The following TMEM178A variants were observed in gnomAD, a reference collection of about 807,000 sequenced individuals.
TMEM178A encodes the protein transmembrane protein 178A, also known as transmembrane protein 178.
TMEM178A carries 12 observed loss-of-function variants against 29.1 expected under a neutral mutation model. That is an observed-to-expected ratio of 0.41 (90% CI 0.26 to 0.67). The LOEUF is 0.67. Among genes scored for constraint, TMEM178A ranks in the 30% least tolerant of loss-of-function variants. The pLI is 0.29. For missense variants in TMEM178A, 366 were observed against 419.1 expected, an observed-to-expected ratio of 0.87 and a Z score of 1.11; for synonymous variants, 210 against 187.2, an observed-to-expected ratio of 1.12 and a Z score of -0.99.
chr2:39,690,122 G>T (rs772393317), intron 1 of TMEM178A, among the ~76,000 whole-genome samples: 4 of 152,186 alleles, frequency 2.6e-5, no homozygotes, highest in Non-Finnish European at 5.9e-5. Context: ...GAACCTAGGA[G>T]CAGGGAAGAG....
chr2:39,719,597 G>C (rs1672664921), downstream of TMEM178A, among the ~76,000 whole-genome samples: 1 of 152,218 alleles, frequency 6.6e-6, no homozygotes, highest in Admixed American at 6.5e-5. Context: ...GAGTCCTTGG[G>C]CTTCTCTTAG....
chr2:39,704,304 C>T, intron 2 of TMEM178A, 110 bp downstream of exon 2: 1 of 847,774 alleles, frequency 1.2e-6, no homozygotes, highest in East Asian at 2.6e-5. Context: ...CCTCTGTGAG[C>T]CTCTGGGCCC....
intron 1 of TMEM178A, among the ~76,000 whole-genome samples, chr2:39,683,976 G>T (rs1460347948): frequency 6.6e-6 from 1 of 152,120 alleles, no homozygotes; most frequent in East Asian, 1.9e-4. Flanking sequence ...TAATTATTTG[G>T]TTATCTTAAT....
chr2:39,675,978 G>C (rs1415182090), intron 1 of TMEM178A, among the ~76,000 whole-genome samples: 1 of 151,876 alleles, frequency 6.6e-6, no homozygotes, highest in Non-Finnish European at 1.5e-5. Flanking sequence ...TAGAAACAGG[G>C]TGTTGCTTTG....
the TMEM178A span, among the ~76,000 whole-genome samples, chr2:39,734,623 C>T: frequency 6.6e-6 from 1 of 152,190 alleles, no homozygotes; most frequent in Non-Finnish European, 1.5e-5. Flanking sequence ...TCAAAATTAG[C>T]AAGTCTAAAA....
chr2:39,683,255 C>T (rs947038594), intron 1 of TMEM178A, among the ~76,000 whole-genome samples: 1 of 152,226 alleles, frequency 6.6e-6, no homozygotes, highest in South Asian at 2.1e-4. Flanking sequence ...CTCCTACCTC[C>T]TCCATCGTCC....
chr2:39,673,410 T>C (rs982944730), intron 1 of TMEM178A, among the ~76,000 whole-genome samples: 4 of 152,258 alleles, frequency 2.6e-5, no homozygotes, highest in African/African-American at 7.2e-5. Flanking sequence ...GAGGACACAC[T>C]GAATTATTTT....
chr2:39,734,954 C>G, the TMEM178A span, among the ~76,000 whole-genome samples: 4,343 of 152,258 alleles, frequency 0.029, 215 homozygotes, highest in African/African-American at 0.099. Flanking sequence ...CACCCTGGGG[C>G]AAGCTACCAT....
chr2:39,703,881 C>A (rs1671905116), intron 1 of TMEM178A, among the ~76,000 whole-genome samples, 200 bp from the exon 2 acceptor site: 1 of 152,128 alleles, frequency 6.6e-6, no homozygotes, highest in Admixed American at 6.5e-5. Flanking sequence ...GAGTATAGAT[C>A]CTTATACAAT....
At chr2:39,706,963 A>G (rs1370584558) in intron 2 of TMEM178A, 86 bp from the exon 3 acceptor site, 9 of 1,475,066 alleles carry the variant, frequency 6.1e-6, no homozygotes, top group Non-Finnish European at 8.2e-6. Context: ...ACTAATTTTC[A>G]CAATGTATAC....
the TMEM178A span, among the ~76,000 whole-genome samples, chr2:39,733,861 A>G: frequency 2.0e-5 from 3 of 152,188 alleles, no homozygotes; most frequent in Admixed American, 1.3e-4. Flanking sequence ...TGAACAAATT[A>G]TCATGCTCCT....
Position 39,666,321 on chromosome 2 carries a change from G to A in TMEM178A, c.347G>A (p.Arg116Lys). The A allele has an allele frequency of 6.9e-7, 1 of 1,453,004 alleles. No homozygotes were observed. The highest frequency in any genetic ancestry group is 9.1e-7 in the Non-Finnish European group (1 of 1,102,898). The allele number at this position is 1,453,004 out of a possible 1,614,324, so 90.0% of individuals were successfully genotyped here. The change falls in exon 1 of 4, where the codon AGG becomes AAG. Residue 116 changes from arginine to lysine, a missense_variant. Transcript: ENST00000281961. ...PLFATYSGLW[R>K]KCYFLGIDRD... ...TTCGCCACCTACTCGGGCCTCTGGA[G>A]GAAGTGCTACTTCCTGGGCATCGAC...
intron 1 of TMEM178A, among the ~76,000 whole-genome samples, chr2:39,695,983 T>C (rs1447190118): frequency 6.6e-6 from 1 of 152,216 alleles, no homozygotes; most frequent in Non-Finnish European, 1.5e-5. Context: ...GTTCCTTGCT[T>C]ACAGTAATCA....
At chr2:39,734,599 G>C in the TMEM178A span, among the ~76,000 whole-genome samples, 1 of 152,182 alleles carries the variant, frequency 6.6e-6, no homozygotes, top group Non-Finnish European at 1.5e-5. Context: ...TCTCCACTTT[G>C]TTTAATGCAT....
At chr2:39,678,166 G>A (rs2540250) in intron 1 of TMEM178A, among the ~76,000 whole-genome samples, 66 of 151,978 alleles carry the variant, frequency 4.3e-4, no homozygotes, top group African/African-American at 1.5e-3. Flanking sequence ...TAAAAATATC[G>A]GATAGATTCC....
the TMEM178A span, among the ~76,000 whole-genome samples, chr2:39,728,539 T>G: frequency 5.3e-5 from 8 of 152,186 alleles, no homozygotes; most frequent in Non-Finnish European, 8.8e-5. Context: ...AGTACTCCAT[T>G]TATTTGACAT....
intron 2 of TMEM178A, 57 bp downstream of exon 2, chr2:39,704,251 C>G (rs1671929760): frequency 3.5e-6 from 5 of 1,425,292 alleles, no homozygotes; most frequent in Non-Finnish European, 4.9e-6. Context: ...AACAAAATTC[C>G]CACCACCCCT....
downstream of TMEM178A, among the ~76,000 whole-genome samples, chr2:39,721,111 A>C (rs1672694474): frequency 6.6e-6 from 1 of 152,258 alleles, no homozygotes; most frequent in African/African-American, 2.4e-5. Context: ...ATCCTGACGA[A>C]GAACACATTT....
chr2:39,720,057 T>C (rs1352326948), downstream of TMEM178A, among the ~76,000 whole-genome samples: 1 of 152,200 alleles, frequency 6.6e-6, no homozygotes, highest in Non-Finnish European at 1.5e-5. Context: ...GCTTACTCTT[T>C]TTGGCCCTAA....
Sources: gnomAD v4.1 joint callset for allele counts (sites outside exome capture counted in the v4.1 genomes callset) on GRCh38, gnomAD v4.1.1 for gene constraint, MANE v1.5 for transcripts, NCBI Gene and HGNC (gene_info 2026-07-23, HGNC 2026-07-21) for gene names.